Variants in ERMP1 observed in about 807,000 individuals in gnomAD.
The protein encoded by ERMP1 is Felix-ina.
Under a neutral mutation model 92.0 loss-of-function variants are expected in ERMP1, and 86 were observed. The observed-to-expected ratio is 0.93, with a 90% confidence interval of 0.79 to 1.12. The LOEUF (loss-of-function observed/expected upper bound fraction) is 1.12, where lower values mean the gene tolerates loss of function less well. Ranked by LOEUF, ERMP1 falls within the 50% of genes most tolerant of loss-of-function variation. The pLI is 0.00. For missense variants in ERMP1, 1,342 were observed against 1,116.3 expected, an observed-to-expected ratio of 1.20 and a Z score of -2.88; for synonymous variants, 530 against 412.8, an observed-to-expected ratio of 1.28 and a Z score of -3.44.
chr9:5,812,073 T>A (rs1829117742), intron 6 of ERMP1, 52 bp downstream of exon 6: 2 of 1,093,082 alleles, frequency 1.8e-6, no homozygotes, highest in East Asian at 4.7e-5. Context: ...TTATGTATCA[T>A]CCCTAACATT....
intron 6 of ERMP1, among the ~76,000 whole-genome samples, chr9:5,842,443 AAAAAAAAGAAAGAAAAG>A (rs894342642): frequency 2.7e-5 from 4 of 150,538 alleles, no homozygotes; most frequent in African/African-American, 9.7e-5. Flanking sequence ...TCAAAAAAAA[AAAAAAAAGAAAGAAAAG>A]AAAAAAGAAA....
chr9:5,861,812 G>A (rs1477179925), intron 5 of ERMP1, among the ~76,000 whole-genome samples: 1 of 149,664 alleles, frequency 6.7e-6, no homozygotes, highest in Non-Finnish European at 1.5e-5. Context: ...TCAGGGGAGG[G>A]GGACTGCTCA....
intron 6 of ERMP1, among the ~76,000 whole-genome samples, chr9:5,842,066 G>A (rs1830171288): frequency 6.6e-6 from 1 of 152,194 alleles, no homozygotes; most frequent in African/African-American, 2.4e-5. Context: ...TAAAGGTAGT[G>A]CGGACCCAAA....
intron 2 of ERMP1, among the ~76,000 whole-genome samples, chr9:5,825,442 A>ACCATGCC (rs1228528886): frequency 2.0e-5 from 3 of 152,150 alleles, no homozygotes; most frequent in Non-Finnish European, 4.4e-5. Flanking sequence ...AATGCCTACT[A>ACCATGCC]CCATGCCTGA....
intron 6 of ERMP1, among the ~76,000 whole-genome samples, chr9:5,853,065 A>C (rs79543086): frequency 1.3e-5 from 2 of 152,190 alleles, no homozygotes; most frequent in Non-Finnish European, 2.9e-5. Context: ...TCTGGGGGTG[A>C]AAAATTGTAG....
chr9:5,798,390 A>G (rs1828534165), intron 12 of ERMP1, among the ~76,000 whole-genome samples: 1 of 151,678 alleles, frequency 6.6e-6, no homozygotes, highest in African/African-American at 2.4e-5. Flanking sequence ...CTAATTTTAT[A>G]TTTTTAGTAG....
intron 4 of ERMP1, among the ~76,000 whole-genome samples, chr9:5,821,191 A>C (rs1247699076): frequency 6.6e-6 from 1 of 152,256 alleles, no homozygotes; most frequent in African/African-American, 2.4e-5. Flanking sequence ...AAGTGATCAT[A>C]TACATTGCAA....
intron 6 of ERMP1, among the ~76,000 whole-genome samples, chr9:5,846,564 C>T (rs951448588): frequency 2.0e-5 from 3 of 152,154 alleles, no homozygotes; most frequent in Admixed American, 6.5e-5. Flanking sequence ...TCTTGGGAAC[C>T]TTGCATGGTT....
chr9:5,804,938 C>A, intron 10 of ERMP1, 89 bp downstream of exon 10: 1 of 966,212 alleles, frequency 1.0e-6, no homozygotes, highest in African/African-American at 1.7e-5. Context: ...CAATAAAGTA[C>A]ACGTAACACT....
chr9:5,834,690 T>C (rs901329115), upstream of ERMP1, among the ~76,000 whole-genome samples: 5 of 148,554 alleles, frequency 3.4e-5, no homozygotes, highest in South Asian at 2.2e-4. Flanking sequence ...GTCATAACTA[T>C]ATGTATGTAT....
intron 6 of ERMP1, among the ~76,000 whole-genome samples, chr9:5,856,792 T>G (rs965735659): frequency 4.6e-5 from 7 of 152,178 alleles, no homozygotes; most frequent in Admixed American, 6.5e-5. Flanking sequence ...GACACTTTAT[T>G]TAATATATAT....
chr9:5,842,604 A>C (rs1830180615), intron 6 of ERMP1, among the ~76,000 whole-genome samples: 1 of 152,204 alleles, frequency 6.6e-6, no homozygotes, highest in Non-Finnish European at 1.5e-5. Flanking sequence ...AAACTTATTA[A>C]TTGTATATTA....
intron 13 of ERMP1, among the ~76,000 whole-genome samples, chr9:5,790,413 A>ATTT (rs113422415): frequency 0.059 from 8,940 of 152,270 alleles, 827 homozygotes; most frequent in African/African-American, 0.2. Context: ...ATTATAAAAT[A>ATTT]CTGTGACAAC....
At position 5,812,180 on chromosome 9, in the gene ERMP1, A is replaced by G; in HGVS notation, c.1059T>C (p.Tyr353=). 1 of 1,610,268 alleles carries G rather than the reference A, an allele frequency of 6.2e-7. No individual in the cohort carries two copies. Among genetic ancestry groups the G allele is most frequent in the Non-Finnish European group, 8.5e-7 (1 of 1,177,786 alleles). Residue 353 remains tyrosine (Y), a synonymous_variant, in exon 6 of 15, where the codon TAT becomes TAC. Coordinates refer to ENST00000339450, the MANE Select transcript of ERMP1 (RefSeq NM_024896.3). The part of the protein sequence containing the change: ...DLAFIENGYI[Y]HTKYDTADRI... ...TGTCCGCTGTGTCATACTTGGTGTG[A>G]TAAATGTATCCATTCTCAATAAAAG...
rs182523087 is a variant in ERMP1 at position 5,853,807 on chromosome 9, A to G, written n.3199+5661T>C. On this transcript the variant is annotated intron_variant and non_coding_transcript_variant, in intron 6 of 6. Coordinates refer to the ERMP1 transcript ENST00000690753. Reference sequence around the variant, plus strand: ...CAGATTTAGTAGATCTAGAATGCCCAGTAATTTGCAATTCTAACACGCTCT... The same window carrying G: ...CAGATTTAGTAGATCTAGAATGCCCGGTAATTTGCAATTCTAACACGCTCT... 2.0e-5 allele frequency among the ~76,000 whole-genome samples: 3 copies of G among 150,062 alleles called. No homozygotes were observed. In the East Asian group the frequency reaches 5.8e-4, roughly 29 times the overall value.
chr9:5,799,532 C>CA (rs201586780), intron 11 of ERMP1, among the ~76,000 whole-genome samples: 1,542 of 150,880 alleles, frequency 0.01, 26 homozygotes, highest in African/African-American at 0.03. Flanking sequence ...AAAAAACAAA[C>CA]AAAAAAAAAC....
At chr9:5,859,844 C>G (rs567872803) in intron 5 of ERMP1, among the ~76,000 whole-genome samples, 2 of 152,288 alleles carry the variant, frequency 1.3e-5, no homozygotes, top group East Asian at 3.9e-4. Context: ...TAGCTACATT[C>G]AAGTGTATCA....
At chr9:5,828,235 T>C (rs935977163) in intron 2 of ERMP1, among the ~76,000 whole-genome samples, 2 of 152,244 alleles carry the variant, frequency 1.3e-5, no homozygotes, top group African/African-American at 4.8e-5. Flanking sequence ...CATTTGGCAC[T>C]ATGTTTGTAA....
chr9:5,804,469 C>CA (rs1287016779), intron 10 of ERMP1, among the ~76,000 whole-genome samples: 1 of 152,158 alleles, frequency 6.6e-6, no homozygotes, highest in Non-Finnish European at 1.5e-5. Flanking sequence ...TGAGGACTGA[C>CA]AAGGCCTGTG....
Sources: gnomAD v4.1 joint callset for allele counts (sites outside exome capture counted in the v4.1 genomes callset) on GRCh38, gnomAD v4.1.1 for gene constraint, MANE v1.5 for transcripts, NCBI Gene and HGNC (gene_info 2026-07-23, HGNC 2026-07-21) for gene names.